Variants in BNC2 observed in about 807,000 individuals in gnomAD.
BNC2 encodes zinc finger protein basonuclin-2.
BNC2 carries 20 observed loss-of-function variants against 76.3 expected under a neutral mutation model. The ratio of observed to expected loss-of-function variants is 0.26; its 90% CI spans 0.18 to 0.38. BNC2 has a LOEUF of 0.38. BNC2 is among the 10% of genes least tolerant of loss of function. The pLI is 1.00. For synonymous variants in BNC2, 582 were observed against 514.8 expected (o/e 1.13, Z -1.77); for missense variants, 1,382 against 1,399.8 (o/e 0.99, Z 0.20).
chr9:16,461,457 G>A (rs555632694), intron 5 of BNC2, among the ~76,000 whole-genome samples: 158 of 152,306 alleles, frequency 1.0e-3, no homozygotes, highest in African/African-American at 3.8e-3. Flanking sequence ...TGAAGCAATT[G>A]CATAGGTTAT....
At chr9:16,767,296 G>A (rs1563933640) in intron 1 of BNC2, among the ~76,000 whole-genome samples, 1 of 152,236 alleles carries the variant, frequency 6.6e-6, no homozygotes, top group Non-Finnish European at 1.5e-5. Flanking sequence ...GCAGGCTGGG[G>A]AGAACCTTCT....
At chr9:16,640,606 G>C (rs1821464697) in intron 3 of BNC2, among the ~76,000 whole-genome samples, 2 of 152,126 alleles carry the variant, frequency 1.3e-5, no homozygotes, top group African/African-American at 4.8e-5. Flanking sequence ...AAAACATGTA[G>C]AACATATTCA....
At chr9:16,546,112 T>C (rs1818474049) in intron 5 of BNC2, among the ~76,000 whole-genome samples, 2 of 152,260 alleles carry the variant, frequency 1.3e-5, no homozygotes, top group African/African-American at 2.4e-5. Flanking sequence ...GATATTTCTC[T>C]GTTATAATTA....
chr9:16,648,320 T>C (rs926777843), intron 3 of BNC2, among the ~76,000 whole-genome samples: 24 of 152,190 alleles, frequency 1.6e-4, no homozygotes, highest in African/African-American at 5.3e-4. Context: ...ATTCTTTGGG[T>C]TTCTATTTAA....
intron 5 of BNC2, among the ~76,000 whole-genome samples, chr9:16,445,786 T>A (rs1821219907): frequency 6.6e-6 from 1 of 152,204 alleles, no homozygotes; most frequent in Non-Finnish European, 1.5e-5. Flanking sequence ...CACCCCAAAC[T>A]GCCTTTGTCA....
chr9:16,454,432 C>T (rs564692132), intron 5 of BNC2, among the ~76,000 whole-genome samples: 2 of 152,224 alleles, frequency 1.3e-5, no homozygotes, highest in African/African-American at 4.8e-5. Flanking sequence ...TCTCAAGTAG[C>T]TAGGACTACA....
chr9:16,462,376 G>A (rs1426277794), intron 5 of BNC2, among the ~76,000 whole-genome samples: 1 of 152,126 alleles, frequency 6.6e-6, no homozygotes, highest in Non-Finnish European at 1.5e-5. Flanking sequence ...TTGAGATAAA[G>A]CACCTATGCC....
chr9:16,787,889 G>C (rs1439042412), intron 1 of BNC2, among the ~76,000 whole-genome samples: 1 of 152,084 alleles, frequency 6.6e-6, no homozygotes, highest in Admixed American at 6.5e-5. Context: ...TATTTCCTTA[G>C]CCAGGATGCA....
rs573340334 is a variant in BNC2 at position 16,415,193 on chromosome 9, A to G, written c.*3796T>C. ...AGTTACATTGGGTTGACTTATTTAAATACAATTAATATCAGAACAAAGAAT... is the reference window on the plus strand; with the variant it reads ...AGTTACATTGGGTTGACTTATTTAAGTACAATTAATATCAGAACAAAGAAT... On this transcript the variant is annotated 3_prime_UTR_variant, in exon 7 of 7. Coordinates refer to ENST00000380672, the MANE Select transcript of BNC2 (RefSeq NM_017637.6). 5 of 152,508 alleles carry G rather than the reference A, an allele frequency of 3.3e-5. No individual in the cohort carries two copies. Among genetic ancestry groups the G allele is most frequent in the African/African-American group, 1.2e-4 (5 of 41,592 alleles). 9.4% of individuals were successfully genotyped at this position (152,508 alleles called of 1,614,324 possible).
chr9:16,735,073 T>A (rs889464680), intron 2 of BNC2, among the ~76,000 whole-genome samples: 3 of 152,198 alleles, frequency 2.0e-5, no homozygotes, highest in African/African-American at 7.2e-5. Flanking sequence ...AATCCCTTGA[T>A]GCACTACAAA....
At chr9:16,456,565 G>T (rs548655151) in intron 5 of BNC2, among the ~76,000 whole-genome samples, 1 of 150,540 alleles carries the variant, frequency 6.6e-6, no homozygotes, top group African/African-American at 2.4e-5. Flanking sequence ...AGTCCTACCA[G>T]GCCAAGAGCA....
chr9:16,443,960 T>C (rs1167248337), intron 5 of BNC2, among the ~76,000 whole-genome samples: 2 of 152,208 alleles, frequency 1.3e-5, no homozygotes, highest in African/African-American at 4.8e-5. Flanking sequence ...TTTTATTGTA[T>C]GGAAAGTATA....
chr9:16,591,999 G>A (rs112556040), intron 3 of BNC2, among the ~76,000 whole-genome samples: 2 of 152,142 alleles, frequency 1.3e-5, no homozygotes, highest in African/African-American at 4.8e-5. Context: ...CAGGAGATTC[G>A]CAAGAGCCTG....
At chr9:16,618,363 T>C (rs193261472) in intron 3 of BNC2, among the ~76,000 whole-genome samples, 4 of 152,310 alleles carry the variant, frequency 2.6e-5, no homozygotes, top group Non-Finnish European at 5.9e-5. Context: ...AGCTATCCTG[T>C]GGACTGCTTT....
chr9:16,629,231 C>T (rs532648855), intron 3 of BNC2, among the ~76,000 whole-genome samples: 316 of 152,218 alleles, frequency 2.1e-3, no homozygotes, highest in African/African-American at 7.2e-3. Context: ...ATGCTTGATT[C>T]GGCAATAATC....
At position 16,506,494 on chromosome 9, in the gene BNC2, T is replaced by TTC. The variant is rs1228677567; in HGVS notation, c.669+46034_669+46035dup. ...CCTTACTGGATCAGATAAAGTACAC[T>TTC]TCTCTCTCTCTCTCTCCTCTTTTTT... On this transcript the variant is annotated intron_variant, in intron 5 of 6. Coordinates refer to ENST00000380672, the MANE Select transcript of BNC2 (RefSeq NM_017637.6). Among the ~76,000 whole-genome samples the TTC allele has an allele frequency of 5.8e-4, 82 of 142,106 alleles. 1 individual carries two copies. The South Asian group carries it at 0.011, about 18-fold the overall frequency. The allele number at this position is 142,106 out of a possible 152,430, so 93.2% of individuals were successfully genotyped here.
At chr9:16,728,933 G>A (rs1357678972) in intron 2 of BNC2, among the ~76,000 whole-genome samples, 1 of 151,884 alleles carries the variant, frequency 6.6e-6, no homozygotes, top group African/African-American at 2.4e-5. Context: ...CCTAGATGAA[G>A]CATCTGCAAT....
chr9:16,811,732 C>G (rs1227306417), intron 1 of BNC2, among the ~76,000 whole-genome samples: 1 of 151,968 alleles, frequency 6.6e-6, no homozygotes, highest in African/African-American at 2.4e-5. Context: ...TGGAGGCACT[C>G]CAAAAACGCA....
chr9:16,558,867 GA>G (rs1213743743), intron 4 of BNC2, among the ~76,000 whole-genome samples: 1 of 150,892 alleles, frequency 6.6e-6, no homozygotes, highest in Non-Finnish European at 1.5e-5. Flanking sequence ...CCGGGAAGCA[GA>G]GGTTGCAGTG....
Sources: gnomAD v4.1 joint callset for allele counts (sites outside exome capture counted in the v4.1 genomes callset) on GRCh38, gnomAD v4.1.1 for gene constraint, MANE v1.5 for transcripts, NCBI Gene and HGNC (gene_info 2026-07-23, HGNC 2026-07-21) for gene names.